Variants in MEF2D observed in about 807,000 individuals in gnomAD.
The protein encoded by MEF2D is myocyte-specific enhancer factor 2D.
MEF2D carries 10 observed loss-of-function variants against 59.3 expected under a neutral mutation model. The observed-to-expected ratio is 0.17, with a 90% confidence interval of 0.10 to 0.29. MEF2D has a LOEUF of 0.29. Ranked by LOEUF, MEF2D falls within the 10% of genes least tolerant of loss-of-function variation. MEF2D has a pLI of 1.00. For missense variants in MEF2D, 508 were observed against 699.4 expected (o/e 0.73, Z 3.09); for synonymous variants, 305 against 295.0 (o/e 1.03, Z -0.35).
chr1:156,479,318 A>G lies in MEF2D; in HGVS notation c.636T>C (p.Ser212=). 2 of 1,612,364 alleles carry G rather than the reference A, an allele frequency of 1.2e-6. No individual in the cohort carries two copies. The highest frequency in any genetic ancestry group is 1.7e-6 in the Non-Finnish European group (2 of 1,179,476). The change falls in exon 6 of 12, where the codon AGT becomes AGC. Residue 212 remains serine (S), a synonymous_variant. Coordinates refer to ENST00000348159, the MANE Select transcript of MEF2D (RefSeq NM_005920.4). ...CAGGGCTGGGGCAGGCTCCGTTAGCACTGTTCAGGTCACCCCCCAGCATGG... is the reference window on the plus strand; with the variant it reads ...CAGGGCTGGGGCAGGCTCCGTTAGCGCTGTTCAGGTCACCCCCCAGCATGG... ...AGAMLGGDLN[S]ANGACPSPVG... is the part of the protein sequence containing the mutation.
Position 156,467,675 on chromosome 1 carries a change from G to C in MEF2D, c.1555-19C>G. The stretch of plus-strand genomic sequence containing the variant: ...TTAATGTCTGTGAAGAGAGGAGATG[G>C]AGAAGGGGGTGTGAGGGGGTGGCCC... On this transcript the variant is annotated intron_variant, in intron 11 of 11. Coordinates refer to ENST00000348159, the MANE Select transcript of MEF2D (RefSeq NM_005920.4). 7.4e-7 allele frequency: 1 copy of C among 1,345,650 alleles called. No homozygotes were observed. The highest frequency in any genetic ancestry group is 9.6e-7 in the Non-Finnish European group (1 of 1,040,778). The allele number at this position is 1,345,650 out of a possible 1,614,324, so 83.4% of individuals were successfully genotyped here. A position where few individuals can be genotyped will look rare whatever the true frequency, so the allele number is the denominator to read the frequency against.
chr1:156,470,887 G>C (rs1348286404), intron 9 of MEF2D, among the ~76,000 whole-genome samples: 4 of 152,156 alleles, frequency 2.6e-5, no homozygotes, highest in Non-Finnish European at 4.4e-5. Flanking sequence ...CCAAGTCATG[G>C]AGAAAGCCAG....
At chr1:156,494,652 C>T (rs1324106339) in intron 1 of MEF2D, among the ~76,000 whole-genome samples, 1 of 152,218 alleles carries the variant, frequency 6.6e-6, no homozygotes, top group African/African-American at 2.4e-5. Flanking sequence ...CTGGGCCAGG[C>T]TGGGGCTGAA....
chr1:156,496,844 G>T (rs1238741452), intron 1 of MEF2D, among the ~76,000 whole-genome samples: 2 of 152,148 alleles, frequency 1.3e-5, no homozygotes, highest in Non-Finnish European at 2.9e-5. Flanking sequence ...TGGGGGAAAG[G>T]GGCCTAATGG....
chr1:156,468,336 A>C lies in MEF2D; in HGVS notation c.1248-37T>G. On this transcript the variant is annotated intron_variant, in intron 10 of 11. Transcript: ENST00000348159. This position sits in a 1 kb window ranked among gnomAD's most constrained non-coding sequence, Gnocchi z 4.3. ...CAATGGAAATGGGGTACAAGGGATA[A>C]AAACAGAGGGGGTGAGTGACAGAAC... 3 of 1,441,164 alleles carry C rather than the reference A, an allele frequency of 2.1e-6. No individual in the cohort carries two copies. Among genetic ancestry groups the C allele is most frequent in the Non-Finnish European group, 2.8e-6 (3 of 1,064,584 alleles). The allele number at this position is 1,441,164 out of a possible 1,614,324, so 89.3% of individuals were successfully genotyped here. A position where few individuals can be genotyped will look rare whatever the true frequency, so the allele number is the denominator to read the frequency against.
chr1:156,482,802 G>A (rs992396298), intron 2 of MEF2D, among the ~76,000 whole-genome samples, 162 bp from the exon 3 acceptor site: 3 of 152,212 alleles, frequency 2.0e-5, no homozygotes, highest in African/African-American at 7.2e-5. Context: ...GGAAGGACCA[G>A]GCTAGTGCCT....
In MEF2D at chr1:156,498,383, G is replaced by C. The variant is rs181733642; in HGVS notation, c.-139+2103C>G. Among the ~76,000 whole-genome samples the C allele has an allele frequency of 3.7e-3, 562 of 152,256 alleles. 6 individuals carry two copies. The highest frequency in any genetic ancestry group is 0.012 in the African/African-American group (507 of 41,536). ...GCCCATCCCCCAACACAAGGATCAT[G>C]AGGCTCTCTGGGTCCTGCTTCTTCC... On this transcript the variant is annotated intron_variant, in intron 1 of 11. Transcript: ENST00000348159.
intron 1 of MEF2D, among the ~76,000 whole-genome samples, chr1:156,493,024 C>A (rs1003829373): frequency 6.6e-6 from 1 of 152,190 alleles, no homozygotes; most frequent in Non-Finnish European, 1.5e-5. Context: ...AGCAGACAGT[C>A]TCAGAAGGGC....
At position 156,483,343 on chromosome 1, in the gene MEF2D, G is replaced by A. The variant is rs762885289; in HGVS notation, c.-51C>T. On this transcript the variant is annotated 5_prime_UTR_variant, in exon 2 of 12. Transcript: ENST00000348159. ...GGAGGGGAGGGGCTCGCTGGGTGGT[G>A]GGTCTCGGCACACCTTACACTGTGC... is the stretch of plus-strand genomic sequence containing the variant. 2.6e-6 allele frequency: 4 copies of A among 1,556,176 alleles called. No individual in the cohort carries two copies. The African/African-American group carries it at 4.1e-5, about 16-fold the overall frequency.
rs190672157 is a variant in MEF2D at position 156,492,949 on chromosome 1, G to A, written c.-139+7537C>T. Reference sequence around the variant, plus strand: ...CATGGAAATAAGTGCATGGGGTAATGAGGAGTGTGGGCCCCTGGCCAAAGG... The same window carrying A: ...CATGGAAATAAGTGCATGGGGTAATAAGGAGTGTGGGCCCCTGGCCAAAGG... On this transcript the variant is annotated intron_variant, in intron 1 of 11. Transcript: ENST00000348159. Among the ~76,000 whole-genome samples, 314 of 152,336 alleles carry A rather than the reference G, an allele frequency of 2.1e-3. 1 individual carries two copies. The highest frequency in any genetic ancestry group is 7.1e-3 in the African/African-American group (296 of 41,552).
Position 156,467,582 on chromosome 1 carries a change from A to AGGGC in MEF2D, c.*59_*62dup. On this transcript the variant is annotated 3_prime_UTR_variant, in exon 12 of 12. Transcript: ENST00000348159. ...GAGCGGGAGGAGCCCGGGGCAGGGA[A>AGGGC]GGGCGGGCGGTGAGATTGTCAACTC... is the stretch of plus-strand genomic sequence containing the variant. The AGGGC allele has an allele frequency of 7.8e-7, 1 of 1,288,364 alleles. No individual in the cohort carries two copies. Among genetic ancestry groups the AGGGC allele is most frequent in the Non-Finnish European group, 1.0e-6 (1 of 998,498 alleles). 79.8% of individuals were successfully genotyped at this position (1,288,364 alleles called of 1,614,324 possible).
At chr1:156,483,580 G>A (rs1271214741) in intron 1 of MEF2D, 150 bp from the exon 2 acceptor site, 2 of 551,024 alleles carry the variant, frequency 3.6e-6, no homozygotes, top group African/African-American at 1.9e-5. Context: ...TCTGCCTGAG[G>A]CAATGGTATG....
At chr1:156,485,527 T>C (rs1366821304) in intron 1 of MEF2D, among the ~76,000 whole-genome samples, 6 of 149,430 alleles carry the variant, frequency 4.0e-5, no homozygotes, top group Admixed American at 6.6e-5. Flanking sequence ...TTCTTCTTTT[T>C]TTTTTTTTTT....
At chr1:156,479,916 C>A in intron 4 of MEF2D, 120 bp from the exon 5 acceptor site, 1 of 944,580 alleles carries the variant, frequency 1.1e-6, no homozygotes, top group South Asian at 1.5e-5. Context: ...CTAGGGCCAG[C>A]AGTTCAAGCT....
intron 9 of MEF2D, among the ~76,000 whole-genome samples, chr1:156,474,816 GA>G (rs879828467): frequency 7.0e-5 from 10 of 143,520 alleles, no homozygotes; most frequent in African/African-American, 1.0e-4. Context: ...TTCCAAAAAA[GA>G]AAAAAAAAAC....
rs1201029330 is a variant in MEF2D at position 156,468,852 on chromosome 1, T to C, written c.1175A>G (p.Gln392Arg). 6.2e-7 allele frequency: 1 copy of C among 1,613,758 alleles called. No individual in the cohort carries two copies. Among genetic ancestry groups the C allele is most frequent in the African/African-American group, 1.3e-5 (1 of 74,904 alleles). The change falls in exon 10 of 12, where the codon CAG becomes CGG. Residue 392 changes from glutamine (Q) to arginine (R), a missense_variant. By Grantham distance (43) the Gln-to-Arg change is conservative. Around this residue, in one of 2 missense-constraint regions of MEF2D, gnomAD observed 481 missense variants for 584.7 expected, o/e 0.82. Coordinates refer to ENST00000348159, the MANE Select transcript of MEF2D (RefSeq NM_005920.4). The surrounding 1 kb of genome is among the most constrained non-coding windows in gnomAD (Gnocchi z 4.3). ...QPPQPQQPQP[Q>R]QPQQPQQPPQ... ...TGGCTGTTGCGGCTGCTGAGGCTGC[T>C]GTGGCTGTGGCTGCTGTGGCTGCGG...
chr1:156,476,668 C>T (rs1671627534), intron 7 of MEF2D, among the ~76,000 whole-genome samples, 154 bp from the exon 8 acceptor site: 1 of 152,196 alleles, frequency 6.6e-6, no homozygotes, highest in Non-Finnish European at 1.5e-5. Context: ...CGTCCTGACT[C>T]ATTTCCAGAG....
chr1:156,474,616 G>C (rs961364179), intron 9 of MEF2D, among the ~76,000 whole-genome samples: 1 of 151,856 alleles, frequency 6.6e-6, no homozygotes, highest in African/African-American at 2.4e-5. Flanking sequence ...TTTGAGACTA[G>C]CCTGGGCAAC....
chr1:156,481,278 G>A (rs1671999124), intron 3 of MEF2D, among the ~76,000 whole-genome samples: 1 of 152,182 alleles, frequency 6.6e-6, no homozygotes, highest in Admixed American at 6.5e-5. Context: ...GCTTCCAGGG[G>A]ATGGGGCCTC....
Sources: gnomAD v4.1 joint callset for allele counts (sites outside exome capture counted in the v4.1 genomes callset) on GRCh38, gnomAD v4.1.1 for gene constraint, gnomAD v4.1.1 regional missense constraint, Gnocchi (gnomAD v3.1) non-coding constraint, MANE v1.5 for transcripts, NCBI Gene and HGNC (gene_info 2026-07-23, HGNC 2026-07-21) for gene names.